RP9: variants seen among roughly 807,000 people sequenced by gnomAD.
The protein encoded by RP9 is retinitis pigmentosa 9 protein.
In RP9, 23 loss-of-function variants were observed where a neutral mutation model predicts 32.6. That is an observed-to-expected ratio of 0.71 (90% confidence interval 0.51 to 1.00). RP9 has a LOEUF of 1.00. Ranked by LOEUF, RP9 falls within the 50% of genes least tolerant of loss-of-function variation. RP9 has a pLI of 0.00. For synonymous variants in RP9, 94 were observed against 103.6 expected (o/e 0.91, Z 0.56); for missense variants, 245 against 285.3 (o/e 0.86, Z 1.02).
chr7:33,107,334 T>G (rs1788513146), intron 1 of RP9, among the ~76,000 whole-genome samples: 1 of 152,184 alleles, frequency 6.6e-6, no homozygotes, highest in Non-Finnish European at 1.5e-5. Context: ...GTTCCTCCAT[T>G]TTTTCATCTG....
Position 33,097,324 on chromosome 7 carries a change from T to C in RP9, c.352A>G (p.Lys118Glu). ...CCTTTGATAAAGAAAGGGCATTCTT[T>C]GTCACCCGTTCGGTGACCATAGCGT... ...CKRYGHRTGD[K>E]ECPFFIKGNQ... The change falls in exon 4 of 6, where the codon AAA (lysine) becomes GAA (glutamate). Residue 118 changes from lysine to glutamate, a missense_variant. Physicochemically the swap from Lys to Glu is moderately conservative, Grantham distance 56 (BLOSUM62 1). Coordinates refer to ENST00000297157, the MANE Select transcript of RP9 (RefSeq NM_203288.2). 1 of 1,614,130 alleles carries C rather than the reference T, an allele frequency of 6.2e-7. No individual in the cohort carries two copies. The highest frequency in any genetic ancestry group is 8.5e-7 in the Non-Finnish European group (1 of 1,179,952).
Position 33,109,188 on chromosome 7 carries a change from C to A in RP9, c.152+33G>T, listed in dbSNP as rs771402861. On this transcript the variant is annotated intron_variant, in intron 1 of 5. Coordinates refer to ENST00000297157, the MANE Select transcript of RP9 (RefSeq NM_203288.2). This position sits in a 1 kb window ranked among gnomAD's most constrained non-coding sequence, Gnocchi z 4.9. ...GCCCCGGGCCCCTGGCTTCAGAAGACTGGCCGCGCGCGGACGGCAGCTCGG... is the reference window on the plus strand; with the variant it reads ...GCCCCGGGCCCCTGGCTTCAGAAGAATGGCCGCGCGCGGACGGCAGCTCGG... 6.7e-7 allele frequency: 1 copy of A among 1,484,046 alleles called. No homozygotes were observed. Among genetic ancestry groups the A allele is most frequent in the South Asian group, 1.3e-5 (1 of 79,872 alleles). The allele number at this position is 1,484,046 out of a possible 1,614,324, so 91.9% of individuals were successfully genotyped here. A position where few individuals can be genotyped will look rare whatever the true frequency, so the allele number is the denominator to read the frequency against.
intron 2 of RP9, 102 bp from the exon 3 acceptor site, chr7:33,099,538 G>T: frequency 8.1e-7 from 1 of 1,230,544 alleles, no homozygotes; most frequent in Non-Finnish European, 1.2e-6. Flanking sequence ...GGCTTCCGGT[G>T]CCAACATCAT....
intron 2 of RP9, among the ~76,000 whole-genome samples, chr7:33,099,642 T>C (rs1788397241): frequency 6.6e-6 from 1 of 151,986 alleles, no homozygotes; most frequent in Admixed American, 6.6e-5. Context: ...CCAAAAACAA[T>C]GTAGCTGTTC....
Position 33,109,204 on chromosome 7 carries a change from G to C in RP9, c.152+17C>G. 6.7e-7 allele frequency: 1 copy of C among 1,490,420 alleles called. No individual in the cohort carries two copies. The highest frequency in any genetic ancestry group is 8.9e-7 in the Non-Finnish European group (1 of 1,122,100). 92.3% of individuals were successfully genotyped at this position (1,490,420 alleles called of 1,614,324 possible). A position where few individuals can be genotyped will look rare whatever the true frequency, so the allele number is the denominator to read the frequency against. ...TTCAGAAGACTGGCCGCGCGCGGACGGCAGCTCGGGACTCACAAGGACTCC... is the reference window on the plus strand; with the variant it reads ...TTCAGAAGACTGGCCGCGCGCGGACCGCAGCTCGGGACTCACAAGGACTCC... On this transcript the variant is annotated intron_variant, in intron 1 of 5. Coordinates refer to ENST00000297157, the MANE Select transcript of RP9 (RefSeq NM_203288.2). The surrounding 1 kb of genome is among the most constrained non-coding windows in gnomAD (Gnocchi z 4.9).
chr7:33,109,053 C>T lies in RP9; in HGVS notation c.152+168G>A, dbSNP rs1355642338. 1.3e-5 allele frequency among the ~76,000 whole-genome samples: 2 copies of T among 152,108 alleles called. No individual in the cohort carries two copies. The highest frequency in any genetic ancestry group is 4.8e-5 in the African/African-American group (2 of 41,428). ...AGGAGGATGGACTTCAAGTCCTTGA[C>T]CGCGGCGCCCGACATCGGTCGCCCG... On this transcript the variant is annotated intron_variant, in intron 1 of 5. Coordinates refer to ENST00000297157, the MANE Select transcript of RP9 (RefSeq NM_203288.2). The surrounding 1 kb of genome is among the most constrained non-coding windows in gnomAD (Gnocchi z 4.9).
intron 1 of RP9, among the ~76,000 whole-genome samples, chr7:33,108,574 G>C (rs1189647623): frequency 2.0e-5 from 3 of 152,180 alleles, no homozygotes; most frequent in Non-Finnish European, 4.4e-5. Context: ...GAAATTTTCT[G>C]TAGTAAATGT....
Position 33,109,325 on chromosome 7 carries a change from C to G in RP9, c.48G>C (p.Arg16=), listed in dbSNP as rs1263421628. 3 of 1,457,650 alleles carry G rather than the reference C, an allele frequency of 2.1e-6. No individual in the cohort carries two copies. Among genetic ancestry groups the G allele is most frequent in the African/African-American group, 1.5e-5 (1 of 67,318 alleles). The allele number at this position is 1,457,650 out of a possible 1,614,324, so 90.3% of individuals were successfully genotyped here. A position where few individuals can be genotyped will look rare whatever the true frequency, so the allele number is the denominator to read the frequency against. The change falls in exon 1 of 6, where the codon CGG becomes CGC. Residue 16 remains arginine, a synonymous_variant. Transcript: ENST00000297157. This position sits in a 1 kb window ranked among gnomAD's most constrained non-coding sequence, Gnocchi z 4.9. ...GREDVGAAGA[R]RPREPPEQEL... ...CCTGCTCCGGCGGCTCACGCGGCCGCCGCGCGCCCGCAGCCCCCACGTCCT... is the reference window on the plus strand; with the variant it reads ...CCTGCTCCGGCGGCTCACGCGGCCGGCGCGCGCCCGCAGCCCCCACGTCCT...
Position 33,099,145 on chromosome 7 carries a change from G to A in RP9, c.313+162C>T, listed in dbSNP as rs78054784. 1,089 of 787,752 alleles carry A rather than the reference G, an allele frequency of 1.4e-3. 12 individuals carry two copies. The East Asian group carries it at 0.025, about 18-fold the overall frequency. The allele number at this position is 787,752 out of a possible 1,614,324, so 48.8% of individuals were successfully genotyped here. On this transcript the variant is annotated intron_variant, in intron 3 of 5. Coordinates refer to ENST00000297157, the MANE Select transcript of RP9 (RefSeq NM_203288.2). ...GCCCTCTTTCTTCTTCACATGGCAC[G>A]GTGGTGGGGGGTGGGGTGGATGCTT...
chr7:33,096,655 TAC>T, intron 4 of RP9, 101 bp from the exon 5 acceptor site: 2 of 842,866 alleles, frequency 2.4e-6, no homozygotes, highest in Non-Finnish European at 4.1e-6. Flanking sequence ...TTTTTTTTTT[TAC>T]TGTTTGATGT....
intron 1 of RP9, among the ~76,000 whole-genome samples, chr7:33,104,653 G>A (rs183186015): frequency 1.6e-4 from 25 of 152,194 alleles, no homozygotes; most frequent in Middle Eastern, 6.8e-3. Context: ...ATGTACTATC[G>A]CCAAAACTGA....
At chr7:33,105,741 C>T (rs1009613591) in intron 1 of RP9, among the ~76,000 whole-genome samples, 8 of 152,042 alleles carry the variant, frequency 5.3e-5, no homozygotes, top group South Asian at 2.1e-4. Context: ...CTGGATTTTC[C>T]CTATGACCAC....
At position 33,097,313 on chromosome 7, in the gene RP9, AG is replaced by A. The variant is rs1788351203; in HGVS notation, c.362del (p.Pro121LeufsTer10). ...YGHRTGDKECPFFIKGNQKLE... is the reference protein window; with the variant it reads ...YGHRTGDKECXFFIKGNQKLE... ...ACTTTTGGTTGCCTTTGATAAAGAA[AG>A]GGCATTCTTTGTCACCCGTTCGGTG... is the stretch of plus-strand genomic sequence containing the variant. On this transcript the variant is annotated frameshift_variant, in exon 4 of 6. Transcript: ENST00000297157. LOFTEE classifies it high-confidence loss of function. 2 of 1,613,972 alleles carry A rather than the reference AG, an allele frequency of 1.2e-6. No individual in the cohort carries two copies. The highest frequency in any genetic ancestry group is 1.7e-6 in the Non-Finnish European group (2 of 1,179,950).
At position 33,095,300 on chromosome 7, in the gene RP9, T is replaced by A. The variant is rs754940899; in HGVS notation, c.600A>T (p.Glu200Asp). 1 of 1,612,456 alleles carries A rather than the reference T, an allele frequency of 6.2e-7. No individual in the cohort carries two copies. Among genetic ancestry groups the A allele is most frequent in the Non-Finnish European group, 8.5e-7 (1 of 1,179,484 alleles). ...KKEKHKKRKK[E>D]KKKKKKRKHK... The stretch of plus-strand genomic sequence containing the variant: ...GCTTCCGTTTTTTCTTCTTTTTCTT[T>A]TCTTTCTTCCTTTTCTTATGCTTTT... Residue 200 changes from glutamate (E) to aspartate (D), a missense_variant, in exon 6 of 6, where the codon GAA becomes GAT. Physicochemically the swap from Glu to Asp is conservative, Grantham distance 45. Coordinates refer to ENST00000297157, the MANE Select transcript of RP9 (RefSeq NM_203288.2).
rs976278286 is a variant in RP9, at chr7:33,109,160, C to T, written c.152+61G>A. On this transcript the variant is annotated intron_variant, in intron 1 of 5. Transcript: ENST00000297157. The surrounding 1 kb of genome is among the most constrained non-coding windows in gnomAD (Gnocchi z 4.9). Reference sequence around the variant, plus strand: ...CGGCCTAGCGCCCACCGCGGCGTCCCGCGCCCCGGGCCCCTGGCTTCAGAA... The same window carrying T: ...CGGCCTAGCGCCCACCGCGGCGTCCTGCGCCCCGGGCCCCTGGCTTCAGAA... The T allele has an allele frequency of 4.0e-5, 59 of 1,464,070 alleles. 1 individual carries two copies. The highest frequency in any genetic ancestry group is 6.8e-5 in the Admixed American group (3 of 43,832). 90.7% of individuals were successfully genotyped at this position (1,464,070 alleles called of 1,614,324 possible). A position where few individuals can be genotyped will look rare whatever the true frequency, so the allele number is the denominator to read the frequency against.
chr7:33,105,713 C>G (rs1788489523), intron 1 of RP9, among the ~76,000 whole-genome samples: 1 of 152,096 alleles, frequency 6.6e-6, no homozygotes, highest in Non-Finnish European at 1.5e-5. Context: ...CCTGAAAAAT[C>G]TGAATAGACA....
Position 33,109,348 on chromosome 7 carries a change from C to A in RP9, c.25G>T (p.Asp9Tyr). 2.8e-6 allele frequency: 4 copies of A among 1,441,440 alleles called. No individual in the cohort carries two copies. Among genetic ancestry groups the A allele is most frequent in the Non-Finnish European group, 3.6e-6 (4 of 1,100,676 alleles). 89.3% of individuals were successfully genotyped at this position (1,441,440 alleles called of 1,614,324 possible). A position where few individuals can be genotyped will look rare whatever the true frequency, so the allele number is the denominator to read the frequency against. The change falls in exon 1 of 6, where the codon GAC (aspartate) becomes TAC (tyrosine). Residue 9 changes from aspartate (D) to tyrosine (Y), a missense_variant. Transcript: ENST00000297157. This position sits in a 1 kb window ranked among gnomAD's most constrained non-coding sequence, Gnocchi z 4.9. MSSRPGRE[D>Y]VGAAGARRPR... is the part of the protein sequence containing the mutation. The stretch of plus-strand genomic sequence containing the variant: ...CGCCGCGCGCCCGCAGCCCCCACGT[C>A]CTCGCGCCCAGGCCGGGACGACATG...
At chr7:33,107,684 C>G (rs1788518121) in intron 1 of RP9, among the ~76,000 whole-genome samples, 1 of 152,214 alleles carries the variant, frequency 6.6e-6, no homozygotes, top group African/African-American at 2.4e-5. Flanking sequence ...AGGAATTTAT[C>G]TCACATCAAA....
At chr7:33,106,906 T>C (rs1788507793) in intron 1 of RP9, among the ~76,000 whole-genome samples, 1 of 150,892 alleles carries the variant, frequency 6.6e-6, no homozygotes, top group East Asian at 2.0e-4. Flanking sequence ...ATTGCACCAC[T>C]GCACTCCAGC....
Sources: allele counts gnomAD v4.1 joint callset (sites outside exome capture counted in the v4.1 genomes callset), GRCh38; gene constraint gnomAD v4.1.1; non-coding constraint Gnocchi (gnomAD v3.1); transcripts MANE v1.5; gene names NCBI Gene and HGNC (gene_info 2026-07-23, HGNC 2026-07-21).